The following DMD variants were observed in gnomAD, a reference collection of about 807,000 sequenced individuals.
The protein encoded by DMD is dystrophin, also known as mutant dystrophin.
A neutral mutation model predicts 330.1 loss-of-function variants in DMD; 63 were observed. The observed-to-expected ratio is 0.19, with a 90% CI of 0.16 to 0.24. DMD has a LOEUF of 0.24. Among genes scored for constraint, DMD ranks in the 10% least tolerant of loss-of-function variants. The pLI is 1.00. For missense variants in DMD, 3,344 were observed against 2,684.1 expected, an observed-to-expected ratio of 1.25 and a Z score of -5.43; for synonymous variants, 1,223 against 959.8, an observed-to-expected ratio of 1.27 and a Z score of -5.07.
At position 31,209,383 on chromosome X, in the gene DMD, A is replaced by G. The variant is rs1368875803; in HGVS notation, c.9563+115T>C. The G allele has an allele frequency of 1.5e-5, 11 of 723,148 alleles. No homozygotes were observed. In the Admixed American group the frequency reaches 2.4e-4, roughly 16 times the overall value. The allele number at this position is 723,148 out of a possible 1,213,427, so 59.6% of individuals were successfully genotyped here. A position where few individuals can be genotyped will look rare whatever the true frequency, so the allele number is the denominator to read the frequency against. On this transcript the variant is annotated intron_variant, in intron 65 of 78. Transcript: ENST00000357033. ...AATGCAAAAATGATTTATCACAGGA[A>G]GAGCATTAGGTCCACAGCTTCCAGG...
intron 7 of DMD, among the ~76,000 whole-genome samples, chrX:32,787,532 C>A (rs1603420776): frequency 9.0e-6 from 1 of 110,870 alleles, no homozygotes; most frequent in Non-Finnish European, 1.9e-5. Flanking sequence ...ATGTCTGAAA[C>A]CACAAATAGG....
chrX:32,009,945 A>T (rs1254776342), intron 44 of DMD, among the ~76,000 whole-genome samples: 1 of 112,087 alleles, frequency 8.9e-6, no homozygotes, highest in African/African-American at 3.2e-5. Context: ...AAAATCTGAG[A>T]GCTGATTTCC....
At chrX:33,093,794 C>T (rs756618830) in intron 1 of DMD, among the ~76,000 whole-genome samples, 123 of 110,677 alleles carry the variant, frequency 1.1e-3, no homozygotes, top group African/African-American at 3.8e-3. Context: ...ATAACTAAGA[C>T]GTAATCAACT....
chrX:32,745,919 C>T (rs1021764500), intron 7 of DMD, among the ~76,000 whole-genome samples: 8 of 111,903 alleles, frequency 7.1e-5, no homozygotes, highest in African/African-American at 9.7e-5. Context: ...AAAAAGACAG[C>T]GAACAGCTAG....
chrX:32,231,042 G>A (rs932406559), intron 43 of DMD, among the ~76,000 whole-genome samples: 11 of 111,945 alleles, frequency 9.8e-5, no homozygotes, highest in African/African-American at 3.6e-4. Context: ...GCTAAATTTA[G>A]TCTTCTTGCC....
chrX:32,859,875 G>T (rs1032632704), intron 2 of DMD, among the ~76,000 whole-genome samples: 3 of 110,871 alleles, frequency 2.7e-5, no homozygotes, highest in African/African-American at 9.8e-5. Context: ...GAACTATTTT[G>T]TGAAGCACAC....
intron 2 of DMD, among the ~76,000 whole-genome samples, chrX:32,894,172 T>C (rs1654154401): frequency 8.9e-6 from 1 of 112,259 alleles, no homozygotes; most frequent in African/African-American, 3.2e-5. Flanking sequence ...ATTATTGTTT[T>C]GAGAGCTGAC....
chrX:33,159,054 G>A (rs1366153688), intron 1 of DMD: 1 of 111,436 alleles, frequency 9.0e-6, no homozygotes, highest in Non-Finnish European at 1.9e-5. Flanking sequence ...TAAAAGATAG[G>A]AGTCACACCT....
chrX:32,234,433 A>C (rs1000745122), intron 43 of DMD, among the ~76,000 whole-genome samples: 13 of 111,535 alleles, frequency 1.2e-4, no homozygotes, highest in African/African-American at 4.2e-4. Flanking sequence ...TGGTTTGCAA[A>C]CTTGCTGTAC....
At chrX:31,529,720 C>A (rs893612314) in intron 55 of DMD, among the ~76,000 whole-genome samples, 2 of 111,856 alleles carry the variant, frequency 1.8e-5, no homozygotes, top group Admixed American at 9.5e-5. Context: ...TGCCCTCTCA[C>A]CGTGGGGAGT....
At chrX:32,681,084 A>G (rs1227816883) in intron 9 of DMD, among the ~76,000 whole-genome samples, 2 of 112,398 alleles carry the variant, frequency 1.8e-5, no homozygotes, top group Non-Finnish European at 3.8e-5. Context: ...AGCAGCAAAG[A>G]TTCCAAAATA....
Position 31,121,756 on chromosome X carries a change from G to T in DMD, c.*163C>A. 1 of 761,693 alleles carries T rather than the reference G, an allele frequency of 1.3e-6. No homozygotes were observed. Among genetic ancestry groups the T allele is most frequent in the Non-Finnish European group, 2.0e-6 (1 of 490,863 alleles). 62.8% of individuals were successfully genotyped at this position (761,693 alleles called of 1,213,427 possible). On this transcript the variant is annotated 3_prime_UTR_variant, in exon 79 of 79. Coordinates refer to ENST00000357033, the MANE Select transcript of DMD (RefSeq NM_004006.3). ...TCACAAAAATATAGATTTATTTCTT[G>T]TAAACTCTTACTGTCTAATCCTCTT...
At chrX:32,112,418 C>A (rs1329135173) in intron 44 of DMD, among the ~76,000 whole-genome samples, 3 of 111,631 alleles carry the variant, frequency 2.7e-5, no homozygotes, top group Admixed American at 9.5e-5. Flanking sequence ...ATAGGCAATG[C>A]AAAGACACAA....
intron 9 of DMD, among the ~76,000 whole-genome samples, chrX:32,678,413 A>G (rs1036478852): frequency 1.8e-5 from 2 of 111,828 alleles, no homozygotes; most frequent in African/African-American, 6.5e-5. Context: ...ATGTGCAGTA[A>G]TATACCTTAA....
intron 1 of DMD, among the ~76,000 whole-genome samples, chrX:33,206,402 A>C (rs2051574133): frequency 8.9e-6 from 1 of 111,748 alleles, no homozygotes; most frequent in Non-Finnish European, 1.9e-5. Flanking sequence ...AGGAAATGAC[A>C]ACTCCATTTC....
chrX:31,773,079 C>T (rs1353586154), intron 51 of DMD, among the ~76,000 whole-genome samples: 3 of 111,985 alleles, frequency 2.7e-5, no homozygotes, highest in African/African-American at 9.7e-5. Flanking sequence ...ATTCCCCTTA[C>T]TCTGTCTGCC....
At chrX:31,833,273 G>GGAGA (rs1248049970) in intron 49 of DMD, among the ~76,000 whole-genome samples, 2 of 49,855 alleles carry the variant, frequency 4.0e-5, no homozygotes, top group East Asian at 1.0e-3. Context: ...GGAGGAAGGG[G>GGAGA]GAGAGAGAGA....
chrX:32,866,743 G>GT (rs2082533597), intron 2 of DMD, among the ~76,000 whole-genome samples: 2 of 2,248 alleles, frequency 8.9e-4, no homozygotes, highest in Admixed American at 6.1e-3. Flanking sequence ...GTGGGGGGGT[G>GT]GGGGGGGGGG....
intron 44 of DMD, among the ~76,000 whole-genome samples, chrX:32,033,689 GAGAA>G (rs1395408859): frequency 1.9e-5 from 2 of 105,225 alleles, no homozygotes; most frequent in African/African-American, 7.1e-5. Context: ...AAGAAAGAAA[GAGAA>G]AGAAAGAAAG....
Sources: gnomAD v4.1 joint callset for allele counts (sites outside exome capture counted in the v4.1 genomes callset) on GRCh38, gnomAD v4.1.1 for gene constraint, MANE v1.5 for transcripts, NCBI Gene and HGNC (gene_info 2026-07-23, HGNC 2026-07-21) for gene names.